MGAT1: variants seen among roughly 807,000 people sequenced by gnomAD.
MGAT1 encodes the protein alpha-1,3-mannosyl-glycoprotein 2-beta-N-acetylglucosaminyltransferase.
In MGAT1, 14 loss-of-function variants were observed where a neutral mutation model predicts 31.7. The ratio of observed to expected loss-of-function variants is 0.44; its 90% CI spans 0.29 to 0.69. The LOEUF (loss-of-function observed/expected upper bound fraction) is 0.69, where lower values mean the gene tolerates loss of function less well. Among genes scored for constraint, MGAT1 ranks in the 30% least tolerant of loss-of-function variants. The pLI is 0.12. For missense variants in MGAT1, 557 were observed against 626.0 expected (o/e 0.89, Z 1.18); for synonymous variants, 338 against 276.0 (o/e 1.22, Z -2.23).
rs1767489227 is a variant in MGAT1, at chr5:180,785,183, G to A, written c.*6451C>T. 6.6e-6 allele frequency: 1 copy of A among 152,220 alleles called. No individual in the cohort carries two copies. The highest frequency in any genetic ancestry group is 1.5e-5 in the Non-Finnish European group (1 of 68,042). The allele number at this position is 152,220 out of a possible 1,614,324, so 9.4% of individuals were successfully genotyped here. ...CTGCTCCCCACCCTTGGATGCTGAT[G>A]AGTAAATGTTTTAAAATTCTATTCT... On this transcript the variant is annotated 3_prime_UTR_variant, in exon 2 of 2. Transcript: ENST00000307826.
At chr5:180,796,015 C>G (rs1185826907) in intron 1 of MGAT1, 1 of 117,664 alleles carries the variant, frequency 8.5e-6, no homozygotes, top group African/African-American at 3.2e-5. Flanking sequence ...ACCATAACTC[C>G]TTGACTGTCC....
chr5:180,796,075 T>C (rs1769306471), intron 1 of MGAT1, among the ~76,000 whole-genome samples: 1 of 152,202 alleles, frequency 6.6e-6, no homozygotes, highest in South Asian at 2.1e-4. Context: ...TGCACCCTCT[T>C]ACACCAACAG....
intron 1 of MGAT1, among the ~76,000 whole-genome samples, chr5:180,798,963 G>C (rs1770100757): frequency 6.6e-6 from 1 of 152,182 alleles, no homozygotes; most frequent in East Asian, 1.9e-4. Context: ...AAGCCCTCCA[G>C]CCCTTTAACC....
upstream of MGAT1, among the ~76,000 whole-genome samples, chr5:180,804,271 G>A (rs573872807): frequency 6.6e-6 from 1 of 152,318 alleles, no homozygotes; most frequent in South Asian, 2.1e-4. Flanking sequence ...ACCAGACCTG[G>A]TGGGGAGCAT....
At position 180,791,043 on chromosome 5, in the gene MGAT1, A is replaced by C. The variant is rs1330167401; in HGVS notation, c.*591T>G. On this transcript the variant is annotated 3_prime_UTR_variant, in exon 2 of 2. Coordinates refer to ENST00000307826, the MANE Select transcript of MGAT1 (RefSeq NM_002406.4). ...CTTCAACTTTCCATCTCAGAACTATAAACTGCTAGGCTGCAAGGAGAGAAG... is the reference window on the plus strand; with the variant it reads ...CTTCAACTTTCCATCTCAGAACTATCAACTGCTAGGCTGCAAGGAGAGAAG... The C allele has an allele frequency of 6.5e-6, 1 of 153,644 alleles. No individual in the cohort carries two copies. Among genetic ancestry groups the C allele is most frequent in the East Asian group, 1.9e-4 (1 of 5,214 alleles). The allele number at this position is 153,644 out of a possible 1,614,324, so 9.5% of individuals were successfully genotyped here.
rs1246786806 is a variant in MGAT1 at position 180,792,716 on chromosome 5, C to T, written c.256G>A (p.Val86Met). The change falls in exon 2 of 2, where the codon GTG (valine) becomes ATG (methionine). Residue 86 changes from valine to methionine, a missense_variant. Physicochemically the swap from Val to Met is conservative, Grantham distance 21 (BLOSUM62 1). Coordinates refer to ENST00000307826, the MANE Select transcript of MGAT1 (RefSeq NM_002406.4). ...TGGGCGGGAGGGGCCGCGGTGGGCA[C>T]CCTCCCCCGCTGGCTCGACAGGGCA... ...GDALSSQRGR[V>M]PTAAPPAQPR... 6.5e-7 allele frequency: 1 copy of T among 1,546,928 alleles called. No individual in the cohort carries two copies.
At chr5:180,815,143 C>T (rs1352041304) in intron 1 of MGAT1, among the ~76,000 whole-genome samples, 2 of 151,878 alleles carry the variant, frequency 1.3e-5, no homozygotes, top group Non-Finnish European at 2.9e-5. Context: ...GGGGACTGAG[C>T]GTGCTAAGGT....
In MGAT1 at chr5:180,792,701, G is replaced by A. The variant is rs111257256; in HGVS notation, c.271C>T (p.Pro91Ser). The A allele has an allele frequency of 2.8e-4, 436 of 1,549,140 alleles. 3 individuals carry two copies. The South Asian group carries it at 3.9e-3, about 14-fold the overall frequency. ...SQRGRVPTAAPPAQPRVPVTP... is the reference protein window; with the variant it reads ...SQRGRVPTAASPAQPRVPVTP... ...ACAGGCACACGCGGCTGGGCGGGAG[G>A]GGCCGCGGTGGGCACCCTCCCCCGC... Residue 91 changes from proline (P) to serine (S), a missense_variant, in exon 2 of 2, where the codon CCT (proline) becomes TCT (serine). Physicochemically the swap from Pro to Ser is moderately conservative, Grantham distance 74. Around this residue, in one of 3 missense-constraint regions of MGAT1, gnomAD observed 167 missense variants for 149.8 expected, o/e 1.11. Transcript: ENST00000307826.
chr5:180,810,917 G>A (rs966653151), intron 1 of MGAT1: 7 of 152,264 alleles, frequency 4.6e-5, no homozygotes, highest in African/African-American at 1.7e-4. Context: ...CGTCGCCGGC[G>A]CGTGAACGGC....
intron 1 of MGAT1, among the ~76,000 whole-genome samples, chr5:180,796,044 T>C (rs72650615): frequency 0.12 from 18,937 of 152,030 alleles, 1,249 homozygotes; most frequent in East Asian, 0.24. Flanking sequence ...GTCTACCCTT[T>C]ACACCCCAAA....
chr5:180,798,560 A>C (rs1375641168), intron 1 of MGAT1, among the ~76,000 whole-genome samples: 1 of 152,210 alleles, frequency 6.6e-6, no homozygotes, highest in Admixed American at 6.5e-5. Flanking sequence ...AGGGCTCTCA[A>C]CATTCAGCAG....
intron 1 of MGAT1, among the ~76,000 whole-genome samples, chr5:180,794,769 G>A (rs1768990239): frequency 6.6e-6 from 1 of 152,118 alleles, no homozygotes. Context: ...GTCCTCTGGT[G>A]AGTGAGCTAG....
At position 180,790,265 on chromosome 5, in the gene MGAT1, G is replaced by A. The variant is rs1014255995; in HGVS notation, c.*1369C>T. On this transcript the variant is annotated 3_prime_UTR_variant, in exon 2 of 2. Coordinates refer to ENST00000307826, the MANE Select transcript of MGAT1 (RefSeq NM_002406.4). ...CCCAGCCAGCAGGAGGCAGAAGCAG[G>A]AGACACTCACCAGCTTTCCTGCTGC... 4 of 152,212 alleles carry A rather than the reference G, an allele frequency of 2.6e-5. No individual in the cohort carries two copies. 9.4% of individuals were successfully genotyped at this position (152,212 alleles called of 1,614,324 possible).
intron 1 of MGAT1, among the ~76,000 whole-genome samples, chr5:180,794,983 G>A (rs1769027476): frequency 6.6e-6 from 1 of 152,064 alleles, no homozygotes; most frequent in Admixed American, 6.6e-5. Flanking sequence ...CTCATAGAAT[G>A]GAATAATATT....
upstream of MGAT1, chr5:180,803,844 C>G (rs1439072716): frequency 6.6e-6 from 1 of 152,440 alleles, no homozygotes; most frequent in Non-Finnish European, 1.5e-5. Context: ...GGTGGGTAGC[C>G]GAGGACTACA....
chr5:180,802,183 G>A (rs78615156), intron 1 of MGAT1, among the ~76,000 whole-genome samples: 297 of 152,268 alleles, frequency 2.0e-3, no homozygotes, highest in Middle Eastern at 6.8e-3. Context: ...TGCACGTCCC[G>A]GGGCTCTCTA....
chr5:180,791,616 AG>A lies in MGAT1; in HGVS notation c.*17del. ...CTCATGATGTGGCAAGGAGGGGCCC[AG>A]GAAGGACAGGCAGGTGCTAATTCCA... On this transcript the variant is annotated 3_prime_UTR_variant, in exon 2 of 2. Coordinates refer to ENST00000307826, the MANE Select transcript of MGAT1 (RefSeq NM_002406.4). 1 of 1,609,564 alleles carries A rather than the reference AG, an allele frequency of 6.2e-7. No individual in the cohort carries two copies. Among genetic ancestry groups the A allele is most frequent in the Non-Finnish European group, 8.5e-7 (1 of 1,177,664 alleles).
intron 1 of MGAT1, among the ~76,000 whole-genome samples, chr5:180,799,781 T>C (rs1444040583): frequency 6.6e-6 from 1 of 152,214 alleles, no homozygotes; most frequent in Non-Finnish European, 1.5e-5. Flanking sequence ...CTATGTTCCC[T>C]CCCTTTGGTT....
Position 180,792,981 on chromosome 5 carries a change from C to CA in MGAT1, c.-11dup. The CA allele has an allele frequency of 6.2e-7, 1 of 1,612,832 alleles. No homozygotes were observed. Among genetic ancestry groups the CA allele is most frequent in the Non-Finnish European group, 8.5e-7 (1 of 1,179,826 alleles). On this transcript the variant is annotated 5_prime_UTR_variant, in exon 2 of 2. Coordinates refer to ENST00000307826, the MANE Select transcript of MGAT1 (RefSeq NM_002406.4). Reference sequence around the variant, plus strand: ...ACTGCTTCTTCAGCATCCTGGCCCCCACCGGGGAGGGCAGGCCAGGGGACG... The same window carrying CA: ...ACTGCTTCTTCAGCATCCTGGCCCCCAACCGGGGAGGGCAGGCCAGGGGACG...
Sources: gnomAD v4.1 joint callset for allele counts (sites outside exome capture counted in the v4.1 genomes callset) on GRCh38, gnomAD v4.1.1 for gene constraint, gnomAD v4.1.1 regional missense constraint, MANE v1.5 for transcripts, NCBI Gene and HGNC (gene_info 2026-07-23, HGNC 2026-07-21) for gene names.